Variants in SLC39A11 observed in about 807,000 individuals in gnomAD.
SLC39A11 encodes the protein solute carrier family 39 member 11, also known as zinc transporter ZIP11.
Under a neutral mutation model 36.1 loss-of-function variants are expected in SLC39A11, and 33 were observed. The ratio of observed to expected loss-of-function variants is 0.91; its 90% CI spans 0.69 to 1.22. SLC39A11 has a LOEUF of 1.22. Ranked by LOEUF, SLC39A11 falls within the 50% of genes most tolerant of loss-of-function variation. The pLI, the probability that SLC39A11 is intolerant of heterozygous loss-of-function variation, is 0.00. For synonymous variants in SLC39A11, 166 were observed against 170.3 expected, an observed-to-expected ratio of 0.97 and a Z score of 0.20; for missense variants, 432 against 430.3, an observed-to-expected ratio of 1.00 and a Z score of -0.03.
At chr17:72,740,744 G>A (rs1400808442) in intron 6 of SLC39A11, among the ~76,000 whole-genome samples, 1 of 152,158 alleles carries the variant, frequency 6.6e-6, no homozygotes, top group Non-Finnish European at 1.5e-5. Flanking sequence ...ATGAGGAGAT[G>A]CTCAGTGTCA....
chr17:72,899,642 T>C (rs1458766228), intron 5 of SLC39A11, among the ~76,000 whole-genome samples: 1 of 151,972 alleles, frequency 6.6e-6, no homozygotes, highest in Non-Finnish European at 1.5e-5. Flanking sequence ...AAGGAAAAAC[T>C]CATGTAGCAG....
intron 5 of SLC39A11, among the ~76,000 whole-genome samples, chr17:72,932,401 G>A (rs181774521): frequency 0.022 from 3,387 of 151,774 alleles, 122 homozygotes; most frequent in African/African-American, 0.077. Context: ...CCATCAACCC[G>A]TCACCTACAT....
chr17:72,776,139 C>T (rs577418288), intron 6 of SLC39A11, among the ~76,000 whole-genome samples: 27 of 152,330 alleles, frequency 1.8e-4, no homozygotes, highest in Admixed American at 9.1e-4. Context: ...TGCCAGATGG[C>T]GGATTGGAGG....
intron 4 of SLC39A11, among the ~76,000 whole-genome samples, chr17:72,979,533 G>A (rs752475073): frequency 6.6e-6 from 1 of 152,160 alleles, no homozygotes; most frequent in Non-Finnish European, 1.5e-5. Context: ...AACATTACTG[G>A]TGAAAGTGTA....
At chr17:72,810,417 T>G (rs578151112) in intron 6 of SLC39A11, among the ~76,000 whole-genome samples, 3 of 152,176 alleles carry the variant, frequency 2.0e-5, no homozygotes, top group Non-Finnish European at 4.4e-5. Context: ...GTAAAAAACA[T>G]GTAATCAACT....
At chr17:72,735,906 T>G (rs1187230204) in intron 7 of SLC39A11, among the ~76,000 whole-genome samples, 3 of 152,204 alleles carry the variant, frequency 2.0e-5, no homozygotes, top group African/African-American at 7.2e-5. Context: ...CCAGTGCTTC[T>G]GTATGGAAGG....
In SLC39A11 at chr17:73,045,386, T is replaced by TAAAAAAAAAAAAAAAAA. The variant is rs374832995; in HGVS notation, c.148-13689_148-13673dup. ...ACCTCCAGTGCCATGAAAACAGAGT[T>TAAAAAAAAAAAAAAAAA]AAAAAAAAAAAAAAAAAAAAAAAAA... is the stretch of plus-strand genomic sequence containing the variant. On this transcript the variant is annotated intron_variant, in intron 3 of 9. Transcript: ENST00000255559. 9.6e-5 allele frequency among the ~76,000 whole-genome samples: 4 copies of TAAAAAAAAAAAAAAAAA among 41,704 alleles called. 2 individuals are homozygous for TAAAAAAAAAAAAAAAAA. The highest frequency in any genetic ancestry group is 4.5e-4 in the African/African-American group (4 of 8,838). 27.4% of individuals were successfully genotyped at this position (41,704 alleles called of 152,430 possible). A position where few individuals can be genotyped will look rare whatever the true frequency, so the allele number is the denominator to read the frequency against.
intron 6 of SLC39A11, among the ~76,000 whole-genome samples, chr17:72,822,858 G>A (rs374749668): frequency 2.3e-4 from 34 of 151,032 alleles, no homozygotes; most frequent in African/African-American, 7.7e-4. Flanking sequence ...GGGACCACAG[G>A]CACACACCAC....
intron 7 of SLC39A11, among the ~76,000 whole-genome samples, chr17:72,723,179 T>G (rs1384051053): frequency 6.6e-6 from 1 of 152,078 alleles, no homozygotes; most frequent in African/African-American, 2.4e-5. Context: ...AAGGGCCGAG[T>G]GCTCAGTCAG....
chr17:72,662,230 A>C (rs993880918), intron 7 of SLC39A11, among the ~76,000 whole-genome samples: 8 of 152,018 alleles, frequency 5.3e-5, no homozygotes, highest in African/African-American at 1.9e-4. Context: ...GAGCCATGGC[A>C]GTCCAGCCTG....
At chr17:72,914,890 T>C (rs1018105077) in intron 5 of SLC39A11, among the ~76,000 whole-genome samples, 3 of 120,896 alleles carry the variant, frequency 2.5e-5, no homozygotes, top group Admixed American at 8.1e-5. Context: ...ATAAATAAAA[T>C]TGAATATCTG....
intron 6 of SLC39A11, among the ~76,000 whole-genome samples, chr17:72,814,915 A>T (rs540942044): frequency 3.9e-5 from 6 of 152,258 alleles, no homozygotes; most frequent in African/African-American, 1.4e-4. Flanking sequence ...ACCTTTAGGG[A>T]AGGCCTTTTG....
At chr17:72,988,954 T>G (rs981302556) in intron 4 of SLC39A11, among the ~76,000 whole-genome samples, 1 of 152,146 alleles carries the variant, frequency 6.6e-6, no homozygotes, top group Non-Finnish European at 1.5e-5. Flanking sequence ...CTCACGCCTG[T>G]CATCCGAGCA....
rs542497210 is a variant in SLC39A11, at chr17:72,949,664, T to C, written c.307-1789A>G. Reference sequence around the variant, plus strand: ...TGAGGGTTCTACCCTCATAATCTAATGATCACCCAAAGGTCCCACCTCCTA... The same window carrying C: ...TGAGGGTTCTACCCTCATAATCTAACGATCACCCAAAGGTCCCACCTCCTA... On this transcript the variant is annotated intron_variant, in intron 4 of 9. Coordinates refer to ENST00000255559, the MANE Select transcript of SLC39A11 (RefSeq NM_139177.4). 1.5e-3 allele frequency among the ~76,000 whole-genome samples: 226 copies of C among 151,944 alleles called. 2 individuals carry two copies. Among genetic ancestry groups the C allele is most frequent in the African/African-American group, 5.0e-3 (207 of 41,428 alleles).
intron 7 of SLC39A11, among the ~76,000 whole-genome samples, chr17:72,724,452 G>T (rs551185451): frequency 6.6e-6 from 1 of 152,126 alleles, no homozygotes; most frequent in Non-Finnish European, 1.5e-5. Context: ...AAAGCGGTGG[G>T]GGGGAGTGAG....
intron 5 of SLC39A11, among the ~76,000 whole-genome samples, chr17:72,859,562 A>C: frequency 6.6e-6 from 1 of 151,722 alleles, no homozygotes; most frequent in Non-Finnish European, 1.5e-5. Flanking sequence ...CCACAGACCC[A>C]ATTTAGGGAC....
At chr17:72,932,638 C>T (rs2084487078) in intron 5 of SLC39A11, among the ~76,000 whole-genome samples, 1 of 152,062 alleles carries the variant, frequency 6.6e-6, no homozygotes, top group Non-Finnish European at 1.5e-5. Context: ...CATCAAAATC[C>T]CCACGGTCTG....
At chr17:72,909,259 TG>T (rs2082836515) in intron 5 of SLC39A11, among the ~76,000 whole-genome samples, 1 of 152,154 alleles carries the variant, frequency 6.6e-6, no homozygotes, top group Admixed American at 6.5e-5. Flanking sequence ...CGTCAGCCAT[TG>T]CATCCCACCC....
rs1255720888 is a variant in SLC39A11 at position 72,779,664 on chromosome 17, T to C, written c.602-42945A>G. ...CACCTTCACCCATTCAACATTTTCA[T>C]GGCAGCATCTCAAGTTGAAGGGGAA... On this transcript the variant is annotated intron_variant, in intron 6 of 9. Transcript: ENST00000255559. Among the ~76,000 whole-genome samples, 6 of 152,332 alleles carry C rather than the reference T, an allele frequency of 3.9e-5. No individual in the cohort carries two copies. The East Asian group carries it at 1.2e-3, about 29-fold the overall frequency.
Sources: allele counts gnomAD v4.1 joint callset (sites outside exome capture counted in the v4.1 genomes callset), GRCh38; gene constraint gnomAD v4.1.1; transcripts MANE v1.5; gene names NCBI Gene and HGNC (gene_info 2026-07-23, HGNC 2026-07-21).